Variants in ASTN2 observed in about 807,000 individuals in gnomAD.
ASTN2 encodes the protein astrotactin-2.
ASTN2 carries 54 observed loss-of-function variants against 139.8 expected under a neutral mutation model. That is an observed-to-expected ratio of 0.39 (90% CI 0.31 to 0.48). The LOEUF (loss-of-function observed/expected upper bound fraction) is 0.48. ASTN2 is among the 20% of genes least tolerant of loss of function. The pLI is 0.95. For synonymous variants in ASTN2, 756 were observed against 719.5 expected (o/e 1.05, Z -0.81); for missense variants, 1,565 against 1,725.1 (o/e 0.91, Z 1.64).
chr9:116,585,149 G>A (rs935723463), intron 19 of ASTN2: 1 of 152,134 alleles, frequency 6.6e-6, no homozygotes, highest in Non-Finnish European at 1.5e-5. Flanking sequence ...ATCTGGTTCA[G>A]GAATTGAAAG....
At chr9:116,697,298 C>T (rs1345817601) in intron 16 of ASTN2, 1 of 207,482 alleles carries the variant, frequency 4.8e-6, no homozygotes, top group Non-Finnish European at 1.0e-5. Flanking sequence ...ATACTAAGCA[C>T]ATCATATTTA....
chr9:117,244,076 T>A (rs1335986601), intron 2 of ASTN2, among the ~76,000 whole-genome samples: 2 of 152,142 alleles, frequency 1.3e-5, no homozygotes, highest in Non-Finnish European at 1.5e-5. Context: ...TTTATAAGCA[T>A]CTGACAGTTC....
chr9:116,769,908 G>C (rs1342416732), intron 13 of ASTN2, among the ~76,000 whole-genome samples: 2 of 37,718 alleles, frequency 5.3e-5, no homozygotes, highest in Non-Finnish European at 1.2e-4. Flanking sequence ...ATATGGGCAT[G>C]GTGGTGGGGT....
At position 117,411,268 on chromosome 9, in the gene ASTN2, T is replaced by A. The variant is rs1038983059; in HGVS notation, c.442+3229A>T. Among the ~76,000 whole-genome samples the A allele has an allele frequency of 1.3e-5, 2 of 152,148 alleles. 1 individual carries two copies. Among genetic ancestry groups the A allele is most frequent in the South Asian group, 4.1e-4 (2 of 4,820 alleles). On this transcript the variant is annotated intron_variant, in intron 1 of 22. Transcript: ENST00000313400. ...AGGATTCAATAACTATTTGCTATTCTTTGATCACTTTCAGGGAGATTCACT... is the reference window on the plus strand; with the variant it reads ...AGGATTCAATAACTATTTGCTATTCATTGATCACTTTCAGGGAGATTCACT...
intron 1 of ASTN2, among the ~76,000 whole-genome samples, chr9:117,292,987 G>A (rs536106720): frequency 6.6e-6 from 1 of 151,688 alleles, no homozygotes; most frequent in South Asian, 2.1e-4. Context: ...ACTTAATAAG[G>A]GCTAAAAAAT....
chr9:116,811,965 C>T (rs1831179175), intron 12 of ASTN2, among the ~76,000 whole-genome samples: 2 of 151,978 alleles, frequency 1.3e-5, no homozygotes, highest in Admixed American at 6.6e-5. Flanking sequence ...TTGAGAACTT[C>T]TTATGTTGCA....
At chr9:117,134,941 A>G (rs1829915099) in intron 4 of ASTN2, among the ~76,000 whole-genome samples, 1 of 152,166 alleles carries the variant, frequency 6.6e-6, no homozygotes, top group Admixed American at 6.5e-5. Context: ...AGGACATGGG[A>G]CTGGCTCCCT....
At chr9:117,120,313 A>G (rs989715027) in intron 4 of ASTN2, among the ~76,000 whole-genome samples, 2 of 151,868 alleles carry the variant, frequency 1.3e-5, no homozygotes, top group Non-Finnish European at 2.9e-5. Flanking sequence ...CACTTTCTGG[A>G]CCTGAACCAG....
At chr9:116,551,072 C>T (rs1852320103) in intron 19 of ASTN2, 1 of 152,164 alleles carries the variant, frequency 6.6e-6, no homozygotes, top group African/African-American at 2.4e-5. Flanking sequence ...GTTTCAACAT[C>T]CCAGAGAGAT....
chr9:117,398,401 T>G (rs986529497), intron 1 of ASTN2, among the ~76,000 whole-genome samples: 2 of 152,234 alleles, frequency 1.3e-5, no homozygotes, highest in African/African-American at 4.8e-5. Context: ...GCATGTTTTG[T>G]TCAGATGAAA....
At chr9:117,262,229 C>A (rs1010264052) in intron 2 of ASTN2, among the ~76,000 whole-genome samples, 7 of 151,968 alleles carry the variant, frequency 4.6e-5, no homozygotes, top group African/African-American at 1.7e-4. Flanking sequence ...CACACCATTA[C>A]CATCACATGA....
intron 19 of ASTN2, among the ~76,000 whole-genome samples, chr9:116,551,539 T>C (rs1430547944): frequency 6.6e-6 from 1 of 152,228 alleles, no homozygotes; most frequent in Admixed American, 6.5e-5. Flanking sequence ...AGTTACTGTA[T>C]TTCCTTTCCT....
intron 10 of ASTN2, among the ~76,000 whole-genome samples, chr9:116,946,585 T>C (rs1327660904): frequency 6.6e-6 from 1 of 152,052 alleles, no homozygotes; most frequent in East Asian, 1.9e-4. Context: ...ATGAGGACCA[T>C]AAAATAGAAA....
intron 11 of ASTN2, among the ~76,000 whole-genome samples, chr9:116,831,476 G>C (rs1831812798): frequency 6.6e-6 from 1 of 152,106 alleles, no homozygotes; most frequent in East Asian, 1.9e-4. Flanking sequence ...TCAGTGCTAA[G>C]CAAATGTTTT....
In ASTN2 at chr9:116,733,118, G is replaced by A. The variant is rs186458410; in HGVS notation, c.2521+281C>T. 4.1e-4 allele frequency among the ~76,000 whole-genome samples: 63 copies of A among 152,330 alleles called. 1 individual carries two copies. The highest frequency in any genetic ancestry group is 3.8e-3 in the Admixed American group (58 of 15,306). The stretch of plus-strand genomic sequence containing the variant: ...AAAAGTGTTTTGAGACTCATTCACA[G>A]AGGCAAAACTCTCACTGAGAAAAAT... On this transcript the variant is annotated intron_variant, in intron 14 of 22. Transcript: ENST00000313400.
chr9:117,414,021 C>T lies in ASTN2; in HGVS notation c.442+476G>A, dbSNP rs1372104253. ...CGATTCCACACGGAACTACTCCATT[C>T]CTACTCTCATGAAAATCCATCTGGA... On this transcript the variant is annotated intron_variant, in intron 1 of 22. Coordinates refer to ENST00000313400, the MANE Select transcript of ASTN2 (RefSeq NM_001365068.1). This position sits in a 1 kb window ranked among gnomAD's most constrained non-coding sequence, Gnocchi z 4.2. Among the ~76,000 whole-genome samples, 1 of 152,174 alleles carries T rather than the reference C, an allele frequency of 6.6e-6. No individual in the cohort carries two copies. Among genetic ancestry groups the T allele is most frequent in the African/African-American group, 2.4e-5 (1 of 41,444 alleles).
chr9:116,441,121 T>A (rs1847827073), intron 21 of ASTN2, among the ~76,000 whole-genome samples: 1 of 152,188 alleles, frequency 6.6e-6, no homozygotes, highest in African/African-American at 2.4e-5. Flanking sequence ...CCTGTGATTT[T>A]ACATACAATT....
chr9:116,907,737 G>C (rs1834201003), intron 10 of ASTN2, among the ~76,000 whole-genome samples: 1 of 152,202 alleles, frequency 6.6e-6, no homozygotes, highest in Non-Finnish European at 1.5e-5. Flanking sequence ...ATGTGGTGGA[G>C]GTGGTGAAGG....
At chr9:116,794,663 T>C (rs1830646611) in intron 13 of ASTN2, among the ~76,000 whole-genome samples, 1 of 152,206 alleles carries the variant, frequency 6.6e-6, no homozygotes, top group African/African-American at 2.4e-5. Flanking sequence ...GTAAAGCGTA[T>C]GAGCATCAAT....
Sources: allele counts gnomAD v4.1 joint callset (sites outside exome capture counted in the v4.1 genomes callset), GRCh38; gene constraint gnomAD v4.1.1; non-coding constraint Gnocchi (gnomAD v3.1); transcripts MANE v1.5; gene names NCBI Gene and HGNC (gene_info 2026-07-23, HGNC 2026-07-21).